The following PTPRD variants were observed in gnomAD, a reference collection of about 807,000 sequenced individuals.
PTPRD encodes the protein protein tyrosine phosphatase receptor type D.
Under a neutral mutation model 214.5 loss-of-function variants are expected in PTPRD, and 34 were observed. That is an observed-to-expected ratio of 0.16 (90% CI 0.12 to 0.21). The LOEUF (loss-of-function observed/expected upper bound fraction) is 0.21. Among genes scored for constraint, PTPRD ranks in the 10% least tolerant of loss-of-function variants. The pLI, the probability that PTPRD is intolerant of heterozygous loss-of-function variation, is 1.00. For synonymous variants in PTPRD, 1,128 were observed against 845.7 expected (o/e 1.33, Z -5.79); for missense variants, 2,545 against 2,398.7 (o/e 1.06, Z -1.27).
At chr9:9,824,341 A>G (rs2051906786) in intron 5 of PTPRD, among the ~76,000 whole-genome samples, 1 of 152,000 alleles carries the variant, frequency 6.6e-6, no homozygotes, top group Non-Finnish European at 1.5e-5. Context: ...ATTAAACTAC[A>G]TAATTTCTGA....
chr9:9,277,276 T>C (rs1422786196), intron 9 of PTPRD, among the ~76,000 whole-genome samples: 3 of 151,368 alleles, frequency 2.0e-5, no homozygotes, highest in African/African-American at 7.3e-5. Flanking sequence ...TTCAGTATGG[T>C]TGTGTCTTAA....
chr9:9,043,016 T>C (rs1199738166), intron 10 of PTPRD, among the ~76,000 whole-genome samples: 1 of 152,208 alleles, frequency 6.6e-6, no homozygotes, highest in Non-Finnish European at 1.5e-5. Context: ...GTTACCAAAC[T>C]TCATTTGCTC....
chr9:8,645,660 A>AGGGAAGGAAGAAATGAAGAG (rs1400610040), intron 12 of PTPRD, among the ~76,000 whole-genome samples: 1 of 152,152 alleles, frequency 6.6e-6, no homozygotes, highest in East Asian at 1.9e-4. Flanking sequence ...AGAAGAAGAA[A>AGGGAAGGAAGAAATGAAGAG]GGGAAGGAAG....
intron 2 of PTPRD, among the ~76,000 whole-genome samples, chr9:10,383,723 A>C (rs1002843852): frequency 4.0e-5 from 6 of 151,800 alleles, no homozygotes; most frequent in African/African-American, 1.2e-4. Flanking sequence ...TCTAGCAATA[A>C]GATTTTGGGT....
intron 2 of PTPRD, among the ~76,000 whole-genome samples, chr9:10,493,914 A>T (rs1013009738): frequency 2.0e-5 from 3 of 151,998 alleles, no homozygotes; most frequent in African/African-American, 7.2e-5. Flanking sequence ...TACAGCAATT[A>T]TGGCTAAATA....
chr9:9,008,577 C>T (rs1023652232), intron 11 of PTPRD, among the ~76,000 whole-genome samples: 2 of 151,766 alleles, frequency 1.3e-5, no homozygotes, highest in African/African-American at 4.8e-5. Context: ...TCTGACAATT[C>T]TATGGAAAAA....
intron 2 of PTPRD, among the ~76,000 whole-genome samples, chr9:10,437,310 A>G (rs376592763): frequency 4.6e-5 from 7 of 151,852 alleles, no homozygotes; most frequent in African/African-American, 1.7e-4. Context: ...CATTAAATAG[A>G]TTGCACAAAT....
intron 9 of PTPRD, among the ~76,000 whole-genome samples, chr9:9,317,702 A>G (rs1442191236): frequency 6.6e-6 from 1 of 152,098 alleles, no homozygotes; most frequent in Non-Finnish European, 1.5e-5. Context: ...ATCCTTTAAT[A>G]ATTTTTCTAT....
intron 9 of PTPRD, among the ~76,000 whole-genome samples, chr9:9,245,897 A>G (rs528485191): frequency 6.6e-6 from 1 of 152,208 alleles, no homozygotes; most frequent in East Asian, 1.9e-4. Context: ...GTGACATTGA[A>G]TCTTTGGCTT....
At chr9:8,745,051 T>C (rs560774441) in intron 11 of PTPRD, among the ~76,000 whole-genome samples, 28 of 152,190 alleles carry the variant, frequency 1.8e-4, no homozygotes, top group Non-Finnish European at 3.2e-4. Context: ...TTTCATTCAG[T>C]TATATTGCAC....
intron 5 of PTPRD, among the ~76,000 whole-genome samples, chr9:9,781,736 G>T (rs922691646): frequency 6.6e-6 from 1 of 151,506 alleles, no homozygotes; most frequent in Non-Finnish European, 1.5e-5. Flanking sequence ...TACACAATCC[G>T]ATTTGCTAAG....
chr9:9,883,538 T>C (rs1202896792), intron 5 of PTPRD, among the ~76,000 whole-genome samples: 1 of 152,104 alleles, frequency 6.6e-6, no homozygotes, highest in Non-Finnish European at 1.5e-5. Context: ...ACTCTCAGTG[T>C]TACATGGTCT....
At chr9:8,535,209 C>CATCA (rs1009363604) in intron 14 of PTPRD, among the ~76,000 whole-genome samples, 9 of 151,836 alleles carry the variant, frequency 5.9e-5, no homozygotes, top group African/African-American at 1.7e-4. Flanking sequence ...TTCCAAGCTC[C>CATCA]ATCAATAGAT....
chr9:8,358,658 G>A (rs146967216), intron 39 of PTPRD, among the ~76,000 whole-genome samples: 46 of 152,006 alleles, frequency 3.0e-4, no homozygotes, highest in African/African-American at 1.1e-3. Context: ...TTTTTTCTAT[G>A]AATTGAGGAC....
rs72696603 is a variant in PTPRD, at chr9:8,542,609, A to G, written c.353-13830T>C. Among the ~76,000 whole-genome samples the G allele has an allele frequency of 2.1e-3, 324 of 152,360 alleles. 1 individual carries two copies. Among genetic ancestry groups the G allele is most frequent in the Non-Finnish European group, 4.0e-3 (269 of 68,038 alleles). On this transcript the variant is annotated intron_variant, in intron 14 of 45. Coordinates refer to ENST00000381196, the MANE Select transcript of PTPRD (RefSeq NM_002839.4). ...GGCACTCATGAAACAGTATGCCTCTATGAAGGACTCTCACCAATAGAGCTG... is the reference window on the plus strand; with the variant it reads ...GGCACTCATGAAACAGTATGCCTCTGTGAAGGACTCTCACCAATAGAGCTG...
intron 5 of PTPRD, among the ~76,000 whole-genome samples, chr9:9,771,826 G>C (rs144140493): frequency 3.3e-5 from 5 of 152,222 alleles, no homozygotes; most frequent in African/African-American, 1.2e-4. Context: ...GCTTAAACCA[G>C]ATGTGTTGTA....
intron 12 of PTPRD, among the ~76,000 whole-genome samples, chr9:8,703,549 C>G (rs2098135233): frequency 6.6e-6 from 1 of 152,166 alleles, no homozygotes; most frequent in Admixed American, 6.5e-5. Context: ...GCCTCTAGGA[C>G]ACAACCTTCC....
intron 3 of PTPRD, among the ~76,000 whole-genome samples, chr9:10,292,557 T>C (rs1189830651): frequency 6.6e-6 from 1 of 151,972 alleles, no homozygotes; most frequent in Non-Finnish European, 1.5e-5. Context: ...TGACCCAAAA[T>C]AGCCCACAGA....
At chr9:9,270,265 C>G (rs1197588374) in intron 9 of PTPRD, among the ~76,000 whole-genome samples, 1 of 151,196 alleles carries the variant, frequency 6.6e-6, no homozygotes, top group Non-Finnish European at 1.5e-5. Flanking sequence ...AAATAAGTAA[C>G]ATTTGTGATA....
Sources: allele counts gnomAD v4.1 joint callset (sites outside exome capture counted in the v4.1 genomes callset), GRCh38; gene constraint gnomAD v4.1.1; transcripts MANE v1.5; gene names NCBI Gene and HGNC (gene_info 2026-07-23, HGNC 2026-07-21).